KRT2: variants seen among roughly 807,000 people sequenced by gnomAD.
KRT2 encodes the protein keratin, type II cytoskeletal 2 epidermal.
Under a neutral mutation model 48.5 loss-of-function variants are expected in KRT2, and 37 were observed. That is an observed-to-expected ratio of 0.76 (90% CI 0.59 to 1.00). The LOEUF is 1.00. Ranked by LOEUF, KRT2 falls within the 50% of genes least tolerant of loss-of-function variation. KRT2 has a pLI of 0.00. For synonymous variants in KRT2, 324 were observed against 312.2 expected, an observed-to-expected ratio of 1.04 and a Z score of -0.40; for missense variants, 880 against 815.2, an observed-to-expected ratio of 1.08 and a Z score of -0.97.
At chr12:52,649,356 G>A (rs1262306391) in intron 3 of KRT2, among the ~76,000 whole-genome samples, 1 of 152,126 alleles carries the variant, frequency 6.6e-6, no homozygotes. Context: ...TTGCCAACCA[G>A]CCCCTCTCTC....
intron 6 of KRT2, 74 bp downstream of exon 6, chr12:52,647,656 C>G (rs1941187155): frequency 1.3e-6 from 2 of 1,572,776 alleles, no homozygotes; most frequent in South Asian, 2.3e-5. Context: ...CACATGCACA[C>G]TCACACACAA....
Position 52,651,741 on chromosome 12 carries a change from A to G in KRT2, c.402T>C (p.Gly134=), listed in dbSNP as rs1941251282. ...GGFGGPGGVG[G]LGGPGGFGPG... Reference sequence around the variant, plus strand: ...GCCCAAAGCCACCAGGACCCCCTAAACCTCCAACACCACCAGGGCCCCCAA... The same window carrying G: ...GCCCAAAGCCACCAGGACCCCCTAAGCCTCCAACACCACCAGGGCCCCCAA... The change falls in exon 1 of 9, where the codon GGT becomes GGC. Residue 134 remains glycine, a synonymous_variant. Coordinates refer to ENST00000309680, the MANE Select transcript of KRT2 (RefSeq NM_000423.3). 1.9e-6 allele frequency: 3 copies of G among 1,613,534 alleles called. No homozygotes were observed. The highest frequency in any genetic ancestry group is 1.6e-4 in the Middle Eastern group (1 of 6,062).
At position 52,645,424 on chromosome 12, in the gene KRT2, G is replaced by A. The variant is rs1941149589; in HGVS notation, c.1515C>T (p.Ser505=). The A allele has an allele frequency of 6.2e-7, 1 of 1,614,200 alleles. No individual in the cohort carries two copies. The highest frequency in any genetic ancestry group is 8.5e-7 in the Non-Finnish European group (1 of 1,180,046). Residue 505 remains serine (S), a synonymous_variant, in exon 9 of 9, where the codon AGC becomes AGT. Transcript: ENST00000309680. ...ATGCCACATTTGATGAAATGGTGCT[G>A]CTTGTCACAGCTGCAGAGAGAGGTG... ...LSSNVTVSVT[S]STISSNVASK...
chr12:52,650,258 G>T, intron 2 of KRT2, 81 bp downstream of exon 2: 2 of 1,204,660 alleles, frequency 1.7e-6, no homozygotes, highest in Middle Eastern at 2.0e-4. Flanking sequence ...ATGCAACTGG[G>T]AGATGAATGG....
chr12:52,646,827 C>G lies in KRT2; in HGVS notation c.1382G>C (p.Arg461Pro). ...QAKEDLARLL[R>P]DYQELMNVKL... ...CACGTTCATCAGCTCCTGGTAGTCA[C>G]GCAGCAGCCGCGCCAAGTCCTCCTT... The change falls in exon 7 of 9, where the codon CGT becomes CCT. Residue 461 changes from arginine (R) to proline (P), a missense_variant. Arg to Pro is a moderately radical substitution (Grantham distance 103, BLOSUM62 -2). Transcript: ENST00000309680. The G allele has an allele frequency of 6.2e-7, 1 of 1,614,154 alleles. No homozygotes were observed. Among genetic ancestry groups the G allele is most frequent in the Non-Finnish European group, 8.5e-7 (1 of 1,180,020 alleles).
chr12:52,651,534 G>A (rs1394269625), intron 1 of KRT2, 24 bp downstream of exon 1: 1 of 1,543,042 alleles, frequency 6.5e-7, no homozygotes, highest in Non-Finnish European at 9.0e-7. Context: ...GAGCATCAGT[G>A]GGAGCCGTCT....
In KRT2 at chr12:52,645,192, A is replaced by C; in HGVS notation, c.1747T>G (p.Ser583Ala). The change falls in exon 9 of 9, where the codon TCC becomes GCC. Residue 583 changes from serine to alanine, a missense_variant. Physicochemically the swap from Ser to Ala is moderately conservative, Grantham distance 99. Coordinates refer to ENST00000309680, the MANE Select transcript of KRT2 (RefSeq NM_000423.3). ...GAGCCATATCCTCCTCCAGAGATGGACCCTCCCTTAGAGCCACCACCAGAT... is the reference window on the plus strand; with the variant it reads ...GAGCCATATCCTCCTCCAGAGATGGCCCCTCCCTTAGAGCCACCACCAGAT... ...YGSGGGSKGG[S>A]ISGGGYGSGG... 6.2e-7 allele frequency: 1 copy of C among 1,613,170 alleles called. No homozygotes were observed. The highest frequency in any genetic ancestry group is 8.5e-7 in the Non-Finnish European group (1 of 1,179,790).
intron 2 of KRT2, 131 bp downstream of exon 2, chr12:52,650,208 T>C: frequency 1.1e-6 from 1 of 869,918 alleles, no homozygotes; most frequent in South Asian, 1.3e-5. Context: ...TCACAAATAA[T>C]CAACAAAGAT....
chr12:52,649,890 C>T, intron 3 of KRT2, 24 bp downstream of exon 3: 1 of 1,602,860 alleles, frequency 6.2e-7, no homozygotes, highest in Non-Finnish European at 8.5e-7. Flanking sequence ...TCCCCACCCC[C>T]AGCCAAGACA....
chr12:52,651,110 C>T (rs1468635446), intron 1 of KRT2, among the ~76,000 whole-genome samples: 8 of 152,274 alleles, frequency 5.3e-5, no homozygotes, highest in South Asian at 2.1e-4. Context: ...AAACTGAGAA[C>T]GCTTCTCTTG....
intron 1 of KRT2, among the ~76,000 whole-genome samples, chr12:52,651,076 C>T (rs1592257374): frequency 6.6e-6 from 1 of 152,294 alleles, no homozygotes. Context: ...CGAAGTGACA[C>T]CAATAAAGAC....
chr12:52,650,750 T>G, intron 1 of KRT2, 197 bp from the exon 2 acceptor site: 6 of 637,882 alleles, frequency 9.4e-6, no homozygotes, highest in Non-Finnish European at 1.7e-5. Flanking sequence ...TAATGCTACA[T>G]CCGGCTCTCT....
rs1158350739 is a variant in KRT2, at chr12:52,647,710, T to C, written c.1248+20A>G. On this transcript the variant is annotated intron_variant, in intron 6 of 8. Transcript: ENST00000309680. ...CCAGAGACAACCTCCCGCCCCTCGC[T>C]GGACAGGGCTGGGCCTCACCTGCTT... The C allele has an allele frequency of 6.2e-7, 1 of 1,613,214 alleles. No individual in the cohort carries two copies. Among genetic ancestry groups the C allele is most frequent in the African/African-American group, 1.3e-5 (1 of 74,882 alleles).
Position 52,646,827 on chromosome 12 carries a change from C to T in KRT2, c.1382G>A (p.Arg461His), listed in dbSNP as rs568144185. ...CACGTTCATCAGCTCCTGGTAGTCA[C>T]GCAGCAGCCGCGCCAAGTCCTCCTT... ...QAKEDLARLLRDYQELMNVKL... is the reference protein window; with the variant it reads ...QAKEDLARLLHDYQELMNVKL... The change falls in exon 7 of 9, where the codon CGT becomes CAT. Residue 461 changes from arginine to histidine, a missense_variant. Physicochemically the swap from Arg to His is conservative, Grantham distance 29. Transcript: ENST00000309680. 1.0e-4 allele frequency: 169 copies of T among 1,614,154 alleles called. 2 individuals are homozygous for T. The South Asian group carries it at 1.5e-3, about 15-fold the overall frequency.
At chr12:52,648,946 A>G (rs1941208612) in intron 4 of KRT2, 61 bp downstream of exon 4, 1 of 1,073,662 alleles carries the variant, frequency 9.3e-7, no homozygotes, top group South Asian at 1.3e-5. Flanking sequence ...CCAAGCAGAA[A>G]GGACTTTCAT....
Position 52,651,733 on chromosome 12 carries a change from C to T in KRT2, c.410G>A (p.Gly137Asp), listed in dbSNP as rs754691065. 1 of 1,614,050 alleles carries T rather than the reference C, an allele frequency of 6.2e-7. No homozygotes were observed. ...TCCTCCAGGCCCAAAGCCACCAGGA[C>T]CCCCTAAACCTCCAACACCACCAGG... Reference protein sequence around the residue: ...GGPGGVGGLGGPGGFGPGGYP... With the variant: ...GGPGGVGGLGDPGGFGPGGYP... Residue 137 changes from glycine (G) to aspartate (D), a missense_variant, in exon 1 of 9, where the codon GGT becomes GAT. By Grantham distance (94) the Gly-to-Asp change is moderately conservative. Coordinates refer to ENST00000309680, the MANE Select transcript of KRT2 (RefSeq NM_000423.3).
chr12:52,648,311 G>C lies in KRT2; in HGVS notation c.984C>G (p.Val328=), dbSNP rs376065782. The C allele has an allele frequency of 1.0e-4, 166 of 1,613,972 alleles. No homozygotes were observed. The highest frequency in any genetic ancestry group is 1.4e-4 in the Non-Finnish European group (161 of 1,179,974). The change falls in exon 5 of 9, where the codon GTC becomes GTG. Residue 328 remains valine, a synonymous_variant. Coordinates refer to ENST00000309680, the MANE Select transcript of KRT2 (RefSeq NM_000423.3). Reference sequence around the variant, plus strand: ...TGGAGAGGATGACGTTGGTGTCAGTGACACTCTGATGTATCTGGGATATCT... The same window carrying C: ...TGGAGAGGATGACGTTGGTGTCAGTCACACTCTGATGTATCTGGGATATCT... ...DAEISQIHQS[V]TDTNVILSMD...
intron 4 of KRT2, among the ~76,000 whole-genome samples, chr12:52,648,603 C>G (rs890129658): frequency 3.9e-5 from 6 of 152,186 alleles, no homozygotes; most frequent in Non-Finnish European, 7.4e-5. Flanking sequence ...GAAGCTTGTC[C>G]ATGGCAAATA....
Position 52,651,575 on chromosome 12 carries a change from CA to C in KRT2, c.567del (p.Phe189LeufsTer28). 6.2e-7 allele frequency: 1 copy of C among 1,613,904 alleles called. No individual in the cohort carries two copies. Among genetic ancestry groups the C allele is most frequent in the Non-Finnish European group, 8.5e-7 (1 of 1,179,806 alleles). ...AGAGTCACCTTGTCAATGAAGGAGG[CA>C]AATTTGTTGTTGAGAGTTTTGATCT... ...REQIKTLNNKFASFIDKVRFL... is the reference protein window; with the variant it reads ...REQIKTLNNKXASFIDKVRFL... On this transcript the variant is annotated frameshift_variant, in exon 1 of 9. Transcript: ENST00000309680. LOFTEE classifies it high-confidence loss of function.
Sources: allele counts gnomAD v4.1 joint callset (sites outside exome capture counted in the v4.1 genomes callset), GRCh38; gene constraint gnomAD v4.1.1; transcripts MANE v1.5; gene names NCBI Gene and HGNC (gene_info 2026-07-23, HGNC 2026-07-21).